The following VIT variants were observed in gnomAD, a reference collection of about 807,000 sequenced individuals.
The protein encoded by VIT is vitrin.
A neutral mutation model predicts 78.0 loss-of-function variants in VIT; 99 were observed. The observed-to-expected ratio is 1.27, with a 90% CI of 1.08 to 1.50. The LOEUF (loss-of-function observed/expected upper bound fraction) is 1.50, where lower values mean the gene tolerates loss of function less well. Among genes scored for constraint, VIT ranks in the 40% most tolerant of loss-of-function variants. VIT has a pLI of 0.00. For synonymous variants in VIT, 374 were observed against 334.3 expected, an observed-to-expected ratio of 1.12 and a Z score of -1.29; for missense variants, 1,126 against 875.3, an observed-to-expected ratio of 1.29 and a Z score of -3.61.
At chr2:36,802,075 A>G (rs924942730) in intron 13 of VIT, among the ~76,000 whole-genome samples, 1 of 152,182 alleles carries the variant, frequency 6.6e-6, no homozygotes, top group Non-Finnish European at 1.5e-5. Flanking sequence ...TGATTGTGCA[A>G]AGAGAAACAT....
chr2:36,717,807 G>T (rs1035140910), intron 2 of VIT, among the ~76,000 whole-genome samples: 2 of 152,114 alleles, frequency 1.3e-5, no homozygotes, highest in African/African-American at 4.8e-5. Context: ...ACAAAACACC[G>T]CAATCTGGGT....
intron 13 of VIT, among the ~76,000 whole-genome samples, chr2:36,805,136 C>T (rs987267264): frequency 6.6e-6 from 1 of 151,756 alleles, no homozygotes; most frequent in African/African-American, 2.4e-5. Context: ...AACCTCGTCT[C>T]TACAAAAAAA....
chr2:36,725,308 T>G (rs577083580), intron 2 of VIT, among the ~76,000 whole-genome samples: 29 of 152,334 alleles, frequency 1.9e-4, no homozygotes, highest in African/African-American at 7.0e-4. Context: ...ACTGAGTGGC[T>G]TAGAAAAACA....
chr2:36,806,858 C>T (rs1267514289), intron 14 of VIT, among the ~76,000 whole-genome samples: 4 of 152,286 alleles, frequency 2.6e-5, no homozygotes, highest in African/African-American at 7.2e-5. Flanking sequence ...CCACTGCGCC[C>T]GGCCCTACCT....
chr2:36,771,637 G>C (rs1026505683), intron 7 of VIT, among the ~76,000 whole-genome samples: 25 of 152,020 alleles, frequency 1.6e-4, no homozygotes, highest in African/African-American at 6.0e-4. Flanking sequence ...ACTCTCATTG[G>C]AAATCGATAA....
At chr2:36,782,541 C>T (rs1664830015) in intron 10 of VIT, among the ~76,000 whole-genome samples, 1 of 152,236 alleles carries the variant, frequency 6.6e-6, no homozygotes, top group Non-Finnish European at 1.5e-5. Flanking sequence ...AACTTCCGGG[C>T]CTCCTGAAAA....
At chr2:36,790,847 A>G (rs565106238) in intron 12 of VIT, among the ~76,000 whole-genome samples, 2 of 152,326 alleles carry the variant, frequency 1.3e-5, no homozygotes, top group African/African-American at 2.4e-5. Flanking sequence ...AGTTCAAATT[A>G]TACAACCAAA....
rs537831929 is a variant in VIT at position 36,743,020 on chromosome 2, A to G, written c.119-80A>G. On this transcript the variant is annotated intron_variant, in intron 3 of 15. Transcript: ENST00000379242. ...GCTCTGGCTTTTAGAGATTAAGTCA[A>G]TAGTTGAGACCTAACAGTGTCACCC... is the stretch of plus-strand genomic sequence containing the variant. 22 of 1,562,662 alleles carry G rather than the reference A, an allele frequency of 1.4e-5. 1 individual carries two copies. In the East Asian group the frequency reaches 4.1e-4, roughly 29 times the overall value.
chr2:36,697,608 A>C (rs1664759444), intron 1 of VIT, among the ~76,000 whole-genome samples: 1 of 152,222 alleles, frequency 6.6e-6, no homozygotes, highest in Admixed American at 6.5e-5. Context: ...TCAGCTTTTC[A>C]CAGGAAGACA....
chr2:36,764,135 T>A (rs957387864), intron 6 of VIT, among the ~76,000 whole-genome samples: 1 of 152,224 alleles, frequency 6.6e-6, no homozygotes, highest in East Asian at 1.9e-4. Context: ...CGATTTTCAA[T>A]ATATAATAAG....
At chr2:36,705,830 G>A (rs1573108491) in intron 1 of VIT, among the ~76,000 whole-genome samples, 1 of 152,194 alleles carries the variant, frequency 6.6e-6, no homozygotes. Context: ...CAGCCCTGGC[G>A]CTATTGGCCT....
chr2:36,738,437 G>T (rs1444410822), intron 3 of VIT, among the ~76,000 whole-genome samples: 1 of 133,004 alleles, frequency 7.5e-6, no homozygotes, highest in Non-Finnish European at 1.8e-5. Flanking sequence ...CCTATATTAG[G>T]GTCCTTTGTA....
chr2:36,733,715 G>T (rs936220766), intron 3 of VIT, among the ~76,000 whole-genome samples: 1 of 152,140 alleles, frequency 6.6e-6, no homozygotes, highest in African/African-American at 2.4e-5. Flanking sequence ...TTCTCTTGCC[G>T]TTCTGGAGGT....
At chr2:36,787,677 G>T in intron 12 of VIT, 1 of 338,200 alleles carries the variant, frequency 3.0e-6, no homozygotes, top group Non-Finnish European at 5.7e-6. Context: ...CCCTATTACA[G>T]CATTTGTTTG....
At chr2:36,783,977 C>T (rs765012558) in intron 11 of VIT, among the ~76,000 whole-genome samples, 7 of 152,074 alleles carry the variant, frequency 4.6e-5, no homozygotes, top group Non-Finnish European at 7.4e-5. Context: ...GAAGGAACAG[C>T]CCAATCAGAA....
intron 3 of VIT, among the ~76,000 whole-genome samples, chr2:36,742,075 C>T (rs72783180): frequency 0.21 from 31,991 of 152,088 alleles, 3,618 homozygotes; most frequent in Non-Finnish European, 0.26. Context: ...ACTGTGCTCA[C>T]GTTTTAAAGT....
intron 14 of VIT, among the ~76,000 whole-genome samples, chr2:36,807,602 G>C (rs548287607): frequency 6.6e-6 from 1 of 152,182 alleles, no homozygotes; most frequent in African/African-American, 2.4e-5. Flanking sequence ...AATTATACAA[G>C]GGTAGTTGTC....
At chr2:36,756,537 T>C (rs1170192726) in intron 5 of VIT, among the ~76,000 whole-genome samples, 3 of 152,212 alleles carry the variant, frequency 2.0e-5, no homozygotes, top group African/African-American at 7.2e-5. Flanking sequence ...CGTCCTCCAC[T>C]GATTAGAGTC....
intron 9 of VIT, among the ~76,000 whole-genome samples, chr2:36,780,944 C>A (rs1664708176): frequency 6.6e-6 from 1 of 152,106 alleles, no homozygotes; most frequent in South Asian, 2.1e-4. Context: ...GAGCCCCTCT[C>A]AGCCATGATT....
Sources: gnomAD v4.1 joint callset for allele counts (sites outside exome capture counted in the v4.1 genomes callset) on GRCh38, gnomAD v4.1.1 for gene constraint, MANE v1.5 for transcripts, NCBI Gene and HGNC (gene_info 2026-07-23, HGNC 2026-07-21) for gene names.